The following ST8SIA6 variants were observed in gnomAD, a reference collection of about 807,000 sequenced individuals.
The protein encoded by ST8SIA6 is alpha-2,8-sialyltransferase 8F.
A neutral mutation model predicts 33.6 loss-of-function variants in ST8SIA6; 39 were observed. The ratio of observed to expected loss-of-function variants is 1.16; its 90% CI spans 0.90 to 1.52. ST8SIA6 has a LOEUF of 1.52. Ranked by LOEUF, ST8SIA6 falls within the 40% of genes most tolerant of loss-of-function variation. The pLI, the probability that ST8SIA6 is intolerant of heterozygous loss-of-function variation, is 0.00. For synonymous variants in ST8SIA6, 172 were observed against 167.2 expected (o/e 1.03, Z -0.22); for missense variants, 441 against 443.8 (o/e 0.99, Z 0.06).
intron 3 of ST8SIA6, among the ~76,000 whole-genome samples, chr10:17,389,523 G>A (rs1447029748): frequency 2.0e-5 from 3 of 152,120 alleles, no homozygotes; most frequent in African/African-American, 7.2e-5. Flanking sequence ...AACAATCAGA[G>A]TCTCAGGCCA....
chr10:17,451,513 C>T (rs545453025), intron 2 of ST8SIA6, among the ~76,000 whole-genome samples: 2 of 152,330 alleles, frequency 1.3e-5, no homozygotes, highest in South Asian at 2.1e-4. Flanking sequence ...ATGCCGACTT[C>T]ACCACTAGGC....
chr10:17,424,280 A>T (rs966412337), intron 2 of ST8SIA6, among the ~76,000 whole-genome samples: 2 of 151,694 alleles, frequency 1.3e-5, no homozygotes, highest in African/African-American at 4.8e-5. Context: ...ATTTTTGTAT[A>T]TTTAGTAGGA....
At chr10:17,373,921 GTT>G (rs1274174025) in intron 3 of ST8SIA6, among the ~76,000 whole-genome samples, 1 of 152,106 alleles carries the variant, frequency 6.6e-6, no homozygotes, top group Admixed American at 6.6e-5. Flanking sequence ...AGAAAATTCA[GTT>G]TTGTTTCCAG....
intron 2 of ST8SIA6, among the ~76,000 whole-genome samples, chr10:17,433,415 G>A (rs972345063): frequency 5.9e-5 from 9 of 152,122 alleles, no homozygotes; most frequent in Non-Finnish European, 1.2e-4. Context: ...TGGTAATCAC[G>A]GAAATTCCAA....
At position 17,454,369 on chromosome 10, in the gene ST8SIA6, G is replaced by T. The variant is rs948279944; in HGVS notation, c.-114C>A. ...ACCGCCGCCGTGGCCGCAGCCCCGC[G>T]CACCCACAGCGTTCACAGGCGGCAG... On this transcript the variant is annotated 5_prime_UTR_variant, in exon 1 of 8. Transcript: ENST00000377602. The surrounding 1 kb of genome is among the most constrained non-coding windows in gnomAD (Gnocchi z 4.1). 7.6e-5 allele frequency: 12 copies of T among 158,856 alleles called. No individual in the cohort carries two copies. Among genetic ancestry groups the T allele is most frequent in the Non-Finnish European group, 1.6e-4 (12 of 73,024 alleles). The allele number at this position is 158,856 out of a possible 1,614,324, so 9.8% of individuals were successfully genotyped here. A position where few individuals can be genotyped will look rare whatever the true frequency, so the allele number is the denominator to read the frequency against.
At chr10:17,433,020 T>C (rs1056762345) in intron 2 of ST8SIA6, among the ~76,000 whole-genome samples, 6 of 152,220 alleles carry the variant, frequency 3.9e-5, no homozygotes, top group African/African-American at 1.4e-4. Flanking sequence ...CTGGAGTCTC[T>C]CTGAATCTGC....
chr10:17,318,479 G>T lies in ST8SIA6; in HGVS notation c.*2399C>A, dbSNP rs184287131. ...GACCCACCCACCTTGGCCTCCCAAA[G>T]TGCTGGGATTACAGGTGTGAGCCAT... On this transcript the variant is annotated 3_prime_UTR_variant, in exon 8 of 8. Coordinates refer to ENST00000377602, the MANE Select transcript of ST8SIA6 (RefSeq NM_001004470.3). 2 of 350,258 alleles carry T rather than the reference G, an allele frequency of 5.7e-6. No homozygotes were observed. Among genetic ancestry groups the T allele is most frequent in the Admixed American group, 8.1e-5 (2 of 24,680 alleles). 21.7% of individuals were successfully genotyped at this position (350,258 alleles called of 1,614,324 possible).
chr10:17,408,626 C>T (rs1851350100), intron 2 of ST8SIA6, among the ~76,000 whole-genome samples: 1 of 151,600 alleles, frequency 6.6e-6, no homozygotes, highest in East Asian at 1.9e-4. Flanking sequence ...TGCCACTGCA[C>T]TCCAGCCTGG....
chr10:17,347,215 T>C (rs981988723), intron 4 of ST8SIA6, among the ~76,000 whole-genome samples: 16 of 152,192 alleles, frequency 1.1e-4, no homozygotes, highest in African/African-American at 3.9e-4. Flanking sequence ...AGTAGACACA[T>C]ACAATTAGCC....
Position 17,317,073 on chromosome 10 carries a change from T to C in ST8SIA6, c.*3805A>G, listed in dbSNP as rs888156561. ...TTCTCCTACATTTTCTTCTATGAGCTTTAAAGTTTTCTTTTTAATCCATCG... is the reference window on the plus strand; with the variant it reads ...TTCTCCTACATTTTCTTCTATGAGCCTTAAAGTTTTCTTTTTAATCCATCG... On this transcript the variant is annotated 3_prime_UTR_variant, in exon 8 of 8. Coordinates refer to ENST00000377602, the MANE Select transcript of ST8SIA6 (RefSeq NM_001004470.3). Among the ~76,000 whole-genome samples the C allele has an allele frequency of 6.6e-5, 10 of 152,180 alleles. No homozygotes were observed. Among genetic ancestry groups the C allele is most frequent in the Non-Finnish European group, 2.9e-5 (2 of 68,016 alleles).
At chr10:17,382,906 T>A (rs1266531037) in intron 3 of ST8SIA6, among the ~76,000 whole-genome samples, 1 of 152,242 alleles carries the variant, frequency 6.6e-6, no homozygotes, top group East Asian at 1.9e-4. Flanking sequence ...TACGGATCCC[T>A]GTGTCAGATT....
At chr10:17,394,019 A>G (rs1653576618) in intron 2 of ST8SIA6, among the ~76,000 whole-genome samples, 1 of 152,198 alleles carries the variant, frequency 6.6e-6, no homozygotes, top group Non-Finnish European at 1.5e-5. Flanking sequence ...ACTGTTAATG[A>G]AGTGAATTAC....
intron 2 of ST8SIA6, among the ~76,000 whole-genome samples, chr10:17,449,689 A>G (rs542754766): frequency 4.6e-5 from 7 of 152,158 alleles, no homozygotes; most frequent in Non-Finnish European, 8.8e-5. Context: ...AGTCCCCACA[A>G]TTTATCATTA....
At chr10:17,447,269 A>G (rs959802991) in intron 2 of ST8SIA6, among the ~76,000 whole-genome samples, 2 of 151,518 alleles carry the variant, frequency 1.3e-5, no homozygotes, top group Non-Finnish European at 2.9e-5. Context: ...AGCTAGGTGC[A>G]GTGGTGTGGG....
chr10:17,378,503 CT>C (rs1849995439), intron 3 of ST8SIA6, among the ~76,000 whole-genome samples: 1 of 152,180 alleles, frequency 6.6e-6, no homozygotes, highest in Non-Finnish European at 1.5e-5. Flanking sequence ...TCCCATTCTA[CT>C]TTTCCTGCAT....
chr10:17,426,618 C>T (rs903048062), intron 2 of ST8SIA6, among the ~76,000 whole-genome samples: 1 of 152,184 alleles, frequency 6.6e-6, no homozygotes, highest in Non-Finnish European at 1.5e-5. Context: ...AAGAAATGTT[C>T]AGGCTGGCAG....
chr10:17,427,135 G>A (rs1164000151), intron 2 of ST8SIA6, among the ~76,000 whole-genome samples: 1 of 151,954 alleles, frequency 6.6e-6, no homozygotes, highest in African/African-American at 2.4e-5. Flanking sequence ...TGCATGAAAG[G>A]GGGAAAGGGG....
At chr10:17,322,190 G>A (rs1345039557) in intron 7 of ST8SIA6, among the ~76,000 whole-genome samples, 1 of 146,778 alleles carries the variant, frequency 6.8e-6, no homozygotes, top group African/African-American at 2.6e-5. Flanking sequence ...AGGAGAGAAA[G>A]AGAGACAGAA....
At chr10:17,415,286 A>C (rs182443225) in intron 2 of ST8SIA6, among the ~76,000 whole-genome samples, 2 of 152,322 alleles carry the variant, frequency 1.3e-5, no homozygotes, top group African/African-American at 4.8e-5. Context: ...AGAGCAGCAA[A>C]TGCAGAGAAG....
Sources: allele counts gnomAD v4.1 joint callset (sites outside exome capture counted in the v4.1 genomes callset), GRCh38; gene constraint gnomAD v4.1.1; non-coding constraint Gnocchi (gnomAD v3.1); transcripts MANE v1.5; gene names NCBI Gene and HGNC (gene_info 2026-07-23, HGNC 2026-07-21).